The following RNF111 variants were observed in gnomAD, a reference collection of about 807,000 sequenced individuals.
RNF111 encodes ring finger protein 111, also known as E3 ubiquitin-protein ligase Arkadia.
In RNF111, 17 loss-of-function variants were observed where a neutral mutation model predicts 95.1. That is an observed-to-expected ratio of 0.18 (90% CI 0.12 to 0.27). The LOEUF (loss-of-function observed/expected upper bound fraction) is 0.27. Ranked by LOEUF, RNF111 falls within the 10% of genes least tolerant of loss-of-function variation. The pLI, the probability that RNF111 is intolerant of heterozygous loss-of-function variation, is 1.00. For synonymous variants in RNF111, 440 were observed against 414.8 expected, an observed-to-expected ratio of 1.06 and a Z score of -0.74; for missense variants, 1,189 against 1,210.4, an observed-to-expected ratio of 0.98 and a Z score of 0.26.
At chr15:59,081,402 T>G (rs533035404) in intron 8 of RNF111, 118 bp downstream of exon 8, 1 of 836,212 alleles carries the variant, frequency 1.2e-6, no homozygotes. Context: ...CACAGCTCCT[T>G]GGGAGGCTGA....
intron 6 of RNF111, 47 bp downstream of exon 6, chr15:59,067,130 T>C: frequency 6.9e-7 from 1 of 1,442,936 alleles, no homozygotes; most frequent in Non-Finnish European, 9.6e-7. Context: ...CTCTTGTCTC[T>C]CTCTCTCTCT....
Position 59,071,685 on chromosome 15 carries a change from T to C in RNF111, c.1687-4269T>C, listed in dbSNP as rs558138374. On this transcript the variant is annotated intron_variant, in intron 6 of 13. Coordinates refer to ENST00000348370, the MANE Select transcript of RNF111 (RefSeq NM_017610.8). ...ACTCCAGCCTGGGTAACAGAGATCC[T>C]GTCGCAAAAAAAAAAAAAAATAAAG... 2.7e-5 allele frequency among the ~76,000 whole-genome samples: 4 copies of C among 150,310 alleles called. No individual in the cohort carries two copies. The South Asian group carries it at 6.3e-4, about 24-fold the overall frequency.
rs772075232 is a variant in RNF111 at position 59,031,155 on chromosome 15, A to G, written c.333A>G (p.Glu111=). The change falls in exon 2 of 14, where the codon GAA becomes GAG. Residue 111 remains glutamate, a synonymous_variant. Transcript: ENST00000348370. The part of the protein sequence containing the change: ...GPSYVQNCVK[E]NQGILGLRQH... ...CGTATGTGCAGAATTGTGTTAAAGA[A>G]AACCAGGGAATATTAGGACTGAGGC... 8.1e-6 allele frequency: 13 copies of G among 1,614,008 alleles called. No homozygotes were observed. In the South Asian group the frequency reaches 1.4e-4, roughly 18 times the overall value.
At chr15:59,067,644 G>T (rs1311860668) in intron 6 of RNF111, among the ~76,000 whole-genome samples, 1 of 152,128 alleles carries the variant, frequency 6.6e-6, no homozygotes, top group Non-Finnish European at 1.5e-5. Context: ...AATCAAAACT[G>T]ATACTTAATC....
chr15:59,045,814 G>A (rs1413699773), intron 2 of RNF111, among the ~76,000 whole-genome samples: 1 of 152,162 alleles, frequency 6.6e-6, no homozygotes, highest in Non-Finnish European at 1.5e-5. Context: ...TCTACCTTAA[G>A]CTGCATTGTG....
Position 59,075,863 on chromosome 15 carries a change from T to G in RNF111, c.1687-91T>G, listed in dbSNP as rs1411578304. ...TTTCAAACTAATTTAAAGATTATGT[T>G]TTTTTGGTTATATTAGGAATACTTT... On this transcript the variant is annotated intron_variant, in intron 6 of 13. Transcript: ENST00000348370. 3.7e-6 allele frequency: 5 copies of G among 1,361,262 alleles called. No homozygotes were observed. In the South Asian group the frequency reaches 7.0e-5, roughly 19 times the overall value. 84.3% of individuals were successfully genotyped at this position (1,361,262 alleles called of 1,614,324 possible). A position where few individuals can be genotyped will look rare whatever the true frequency, so the allele number is the denominator to read the frequency against.
intron 11 of RNF111, among the ~76,000 whole-genome samples, chr15:59,090,827 G>T (rs939138234): frequency 1.3e-5 from 2 of 152,178 alleles, no homozygotes; most frequent in African/African-American, 4.8e-5. Flanking sequence ...GGAGGCCGAG[G>T]TGGGAGGATC....
chr15:59,034,955 G>T (rs1476872661), intron 2 of RNF111, among the ~76,000 whole-genome samples: 1 of 152,170 alleles, frequency 6.6e-6, no homozygotes, highest in Non-Finnish European at 1.5e-5. Flanking sequence ...ACATACCCAA[G>T]ACTGGGTAAT....
intron 1 of RNF111, among the ~76,000 whole-genome samples, chr15:59,025,113 A>C (rs1204161300): frequency 6.6e-6 from 1 of 152,194 alleles, no homozygotes; most frequent in Non-Finnish European, 1.5e-5. Flanking sequence ...TTTGCAAATA[A>C]TGCTGTTACG....
intron 1 of RNF111, among the ~76,000 whole-genome samples, chr15:59,011,496 T>C (rs1209094921): frequency 1.3e-5 from 2 of 152,134 alleles, no homozygotes; most frequent in Non-Finnish European, 2.9e-5. Flanking sequence ...ACAGATGGAG[T>C]GGCTTAAACC....
chr15:59,095,437 T>C lies in RNF111; in HGVS notation c.*537T>C, dbSNP rs1294191174. On this transcript the variant is annotated 3_prime_UTR_variant, in exon 14 of 14. Coordinates refer to ENST00000348370, the MANE Select transcript of RNF111 (RefSeq NM_017610.8). ...TTACTATATGGAGTTCTGAGTTAAA[T>C]ACCATCCTTAATACTGGGAACAGAA... The C allele has an allele frequency of 6.4e-6, 1 of 156,018 alleles. No homozygotes were observed. Among genetic ancestry groups the C allele is most frequent in the Non-Finnish European group, 1.4e-5 (1 of 70,934 alleles). 9.7% of individuals were successfully genotyped at this position (156,018 alleles called of 1,614,324 possible). A position where few individuals can be genotyped will look rare whatever the true frequency, so the allele number is the denominator to read the frequency against.
chr15:59,016,370 A>G (rs1235419565), intron 1 of RNF111, among the ~76,000 whole-genome samples: 1 of 151,938 alleles, frequency 6.6e-6, no homozygotes, highest in Non-Finnish European at 1.5e-5. Context: ...GGGTTTCACC[A>G]TGTTGGCCAG....
At chr15:59,040,724 A>C (rs879337375) in intron 2 of RNF111, among the ~76,000 whole-genome samples, 5 of 152,198 alleles carry the variant, frequency 3.3e-5, no homozygotes, top group Non-Finnish European at 7.3e-5. Context: ...GCACTAACCT[A>C]ATACAGTAAT....
rs766516735 is a variant in RNF111 at position 59,076,178 on chromosome 15, C to G, written c.1911C>G (p.Pro637=). The G allele has an allele frequency of 4.3e-6, 7 of 1,613,582 alleles. No homozygotes were observed. The South Asian group carries it at 5.5e-5, about 13-fold the overall frequency. Residue 637 remains proline (P), a synonymous_variant, in exon 7 of 14, where the codon CCC becomes CCG. Coordinates refer to ENST00000348370, the MANE Select transcript of RNF111 (RefSeq NM_017610.8). ...AQPQPQPPPQ[P]SLSSCRHYMP... ...CCCAGCCCCAGCCCCCTCCACAGCC[C>G]TCTCTCTCATCATGTCGACATTACA...
intron 1 of RNF111, among the ~76,000 whole-genome samples, chr15:59,027,892 C>T (rs1464964049): frequency 6.8e-6 from 1 of 148,016 alleles, no homozygotes; most frequent in African/African-American, 2.5e-5. Context: ...GTGGTGTGAT[C>T]TCAGCTCACT....
chr15:59,068,544 T>A (rs1295122741), intron 6 of RNF111, among the ~76,000 whole-genome samples: 1 of 151,978 alleles, frequency 6.6e-6, no homozygotes, highest in Non-Finnish European at 1.5e-5. Context: ...AGGTGGAGGT[T>A]GTAGTGAGCC....
chr15:59,091,268 A>T, intron 12 of RNF111, 114 bp downstream of exon 12: 1 of 547,920 alleles, frequency 1.8e-6, no homozygotes, highest in Non-Finnish European at 3.2e-6. Context: ...AGTAATGCAT[A>T]CATATTGTTT....
At chr15:59,058,840 C>T (rs1482592461) in intron 5 of RNF111, among the ~76,000 whole-genome samples, 1 of 152,144 alleles carries the variant, frequency 6.6e-6, no homozygotes, top group African/African-American at 2.4e-5. Flanking sequence ...ATAAGTTGGA[C>T]TTCATCAAAA....
intron 2 of RNF111, among the ~76,000 whole-genome samples, chr15:59,035,282 G>A (rs936257394): frequency 1.1e-4 from 17 of 152,228 alleles, no homozygotes; most frequent in Admixed American, 3.3e-4. Flanking sequence ...TGCCCCTGCC[G>A]CTTCCAAATC....
Sources: allele counts gnomAD v4.1 joint callset (sites outside exome capture counted in the v4.1 genomes callset), GRCh38; gene constraint gnomAD v4.1.1; transcripts MANE v1.5; gene names NCBI Gene and HGNC (gene_info 2026-07-23, HGNC 2026-07-21).